TBL1XR1: variants seen among roughly 807,000 people sequenced by gnomAD.
TBL1XR1 encodes F-box-like/WD repeat-containing protein TBL1XR1.
TBL1XR1 carries 5 observed loss-of-function variants against 66.9 expected under a neutral mutation model. The observed-to-expected ratio is 0.07, with a 90% CI of 0.04 to 0.16. TBL1XR1 has a LOEUF of 0.16. TBL1XR1 is among the 10% of genes least tolerant of loss of function. The pLI, the probability that TBL1XR1 is intolerant of heterozygous loss-of-function variation, is 1.00. For missense variants in TBL1XR1, 238 were observed against 623.2 expected, an observed-to-expected ratio of 0.38 and a Z score of 6.58; for synonymous variants, 210 against 206.0, an observed-to-expected ratio of 1.02 and a Z score of -0.17.
intron 2 of TBL1XR1, 90 bp from the exon 3 acceptor site, chr3:177,065,112 AATGATG>A: frequency 1.1e-6 from 1 of 873,208 alleles, no homozygotes; most frequent in Non-Finnish European, 1.6e-6. Flanking sequence ...GATTTTATTA[AATGATG>A]TAAAACGAAG....
At chr3:177,083,369 A>G (rs1721685624) in intron 2 of TBL1XR1, among the ~76,000 whole-genome samples, 1 of 152,220 alleles carries the variant, frequency 6.6e-6, no homozygotes, top group Admixed American at 6.5e-5. Flanking sequence ...TCAAGTTAGT[A>G]TGTATGTTTT....
intron 1 of TBL1XR1, among the ~76,000 whole-genome samples, chr3:177,156,390 T>A (rs917978374): frequency 3.3e-5 from 5 of 151,034 alleles, no homozygotes; most frequent in South Asian, 2.1e-4. Context: ...TCCCAGCTAC[T>A]CGGGAGGCTG....
chr3:177,166,117 T>G (rs1299166586), intron 1 of TBL1XR1, among the ~76,000 whole-genome samples: 1 of 151,934 alleles, frequency 6.6e-6, no homozygotes, highest in Non-Finnish European at 1.5e-5. Flanking sequence ...CCAGGCACAG[T>G]GGGTCACACC....
At chr3:177,167,756 C>A (rs1339064748) in intron 1 of TBL1XR1, among the ~76,000 whole-genome samples, 1 of 152,122 alleles carries the variant, frequency 6.6e-6, no homozygotes, top group African/African-American at 2.4e-5. Context: ...CATGGAAAAA[C>A]CCCATCTCTA....
At chr3:177,199,887 C>T (rs148135920), upstream of TBL1XR1, among the ~76,000 whole-genome samples, 409 of 152,264 alleles carry the variant, frequency 2.7e-3, 2 homozygotes, top group African/African-American at 9.5e-3. Flanking sequence ...ATCATCGAGG[C>T]TGGGGACTTA....
At chr3:177,037,974 G>A (rs1001065881) in intron 12 of TBL1XR1, 124 bp downstream of exon 12, 4 of 710,894 alleles carry the variant, frequency 5.6e-6, no homozygotes, top group Non-Finnish European at 9.2e-6. Context: ...CATTTAAAAT[G>A]TTGGAGTTTT....
chr3:177,051,780 T>C (rs1717124094), intron 4 of TBL1XR1, 54 bp from the exon 5 acceptor site: 2 of 1,409,072 alleles, frequency 1.4e-6, no homozygotes, highest in Admixed American at 3.1e-5. Flanking sequence ...TTTAAAGTTA[T>C]TTGTATTTAT....
At chr3:177,067,304 T>C (rs1488316571) in intron 2 of TBL1XR1, among the ~76,000 whole-genome samples, 1 of 152,224 alleles carries the variant, frequency 6.6e-6, no homozygotes, top group Non-Finnish European at 1.5e-5. Context: ...CAAAATGAGA[T>C]GGGCTAGGTG....
intron 3 of TBL1XR1, among the ~76,000 whole-genome samples, chr3:177,064,222 T>C (rs1718868715): frequency 6.6e-6 from 1 of 152,210 alleles, no homozygotes; most frequent in South Asian, 2.1e-4. Context: ...CCAAATGCTT[T>C]CATTTTTTAG....
At chr3:177,131,933 A>G (rs1728348652) in intron 1 of TBL1XR1, among the ~76,000 whole-genome samples, 1 of 152,068 alleles carries the variant, frequency 6.6e-6, no homozygotes, top group African/African-American at 2.4e-5. Flanking sequence ...AAGGAAACAC[A>G]AAGCACTCTG....
chr3:177,106,687 T>C (rs1217252850), intron 1 of TBL1XR1, among the ~76,000 whole-genome samples: 2 of 152,180 alleles, frequency 1.3e-5, no homozygotes, highest in Non-Finnish European at 2.9e-5. Flanking sequence ...ATAATGCATA[T>C]TAAATAACAG....
At chr3:177,150,646 G>A (rs1184093482) in intron 1 of TBL1XR1, among the ~76,000 whole-genome samples, 2 of 152,208 alleles carry the variant, frequency 1.3e-5, no homozygotes, top group African/African-American at 4.8e-5. Flanking sequence ...TTTCTTGGTA[G>A]TATTCCCAGC....
chr3:177,102,813 GCTTC>G (rs1724393850), intron 1 of TBL1XR1, among the ~76,000 whole-genome samples: 2 of 152,160 alleles, frequency 1.3e-5, no homozygotes, highest in Admixed American at 1.3e-4. Flanking sequence ...GGCCCAATCA[GCTTC>G]CTCCATTAAT....
At chr3:177,043,789 T>C (rs140958817) in intron 10 of TBL1XR1, among the ~76,000 whole-genome samples, 112 of 152,322 alleles carry the variant, frequency 7.4e-4, no homozygotes, top group African/African-American at 2.6e-3. Context: ...TTTGGATTAA[T>C]TGGATATTTT....
At chr3:177,089,917 CTA>C (rs1171729001) in intron 2 of TBL1XR1, among the ~76,000 whole-genome samples, 2 of 152,148 alleles carry the variant, frequency 1.3e-5, no homozygotes, top group African/African-American at 2.4e-5. Flanking sequence ...TATTTCTCAC[CTA>C]TCAGATTAAA....
intron 1 of TBL1XR1, among the ~76,000 whole-genome samples, chr3:177,104,783 G>A (rs1724665510): frequency 6.6e-6 from 1 of 152,166 alleles, no homozygotes; most frequent in South Asian, 2.1e-4. Flanking sequence ...AGTTGAATTA[G>A]TTTCACTGGT....
chr3:177,096,327 T>TACACACACAC (rs1325905920), intron 2 of TBL1XR1, among the ~76,000 whole-genome samples: 113 of 108,264 alleles, frequency 1.0e-3, no homozygotes, highest in East Asian at 4.6e-3. Context: ...CACACTAACA[T>TACACACACAC]ACATACATAC....
chr3:177,037,803 T>TCCATCCATCCAA lies in TBL1XR1; in HGVS notation c.1122+294_1122+295insTTGGATGGATGG, dbSNP rs1285667699. ...ATCCATCCATCCATCCATCCATCCA[T>TCCATCCATCCAA]CCATCTTCTTATTGGTTCTGTTTCT... On this transcript the variant is annotated intron_variant, in intron 12 of 15. Transcript: ENST00000457928. 4 of 244,494 alleles carry TCCATCCATCCAA rather than the reference T, an allele frequency of 1.6e-5. No homozygotes were observed. The East Asian group carries it at 3.7e-4, about 23-fold the overall frequency. 15.1% of individuals were successfully genotyped at this position (244,494 alleles called of 1,614,324 possible).
chr3:177,054,045 CGTGTGTGTGTGTGTGTGTGTGT>C, intron 3 of TBL1XR1, 127 bp from the exon 4 acceptor site: 2 of 614,960 alleles, frequency 3.3e-6, no homozygotes, highest in Non-Finnish European at 2.7e-6. Flanking sequence ...AGACGAAGGT[CGTGTGTGTGTGTGTGTGTGTGT>C]GTGTGTGCGC....
Sources: gnomAD v4.1 joint callset for allele counts (sites outside exome capture counted in the v4.1 genomes callset) on GRCh38, gnomAD v4.1.1 for gene constraint, MANE v1.5 for transcripts, NCBI Gene and HGNC (gene_info 2026-07-23, HGNC 2026-07-21) for gene names.